PCDH9: variants seen among roughly 807,000 people sequenced by gnomAD.
PCDH9 encodes the protein protocadherin 9.
Under a neutral mutation model 70.6 loss-of-function variants are expected in PCDH9, and 24 were observed. The observed-to-expected ratio is 0.34, with a 90% CI of 0.25 to 0.48. The LOEUF (loss-of-function observed/expected upper bound fraction) is 0.48, where lower values mean the gene tolerates loss of function less well. Among genes scored for constraint, PCDH9 ranks in the 20% least tolerant of loss-of-function variants. The probability of loss-of-function intolerance (pLI) is 0.99; values close to 1 mark genes in which losing one functional copy is unlikely to be tolerated. For synonymous variants in PCDH9, 562 were observed against 558.5 expected, an observed-to-expected ratio of 1.01 and a Z score of -0.09; for missense variants, 1,281 against 1,503.6, an observed-to-expected ratio of 0.85 and a Z score of 2.45.
chr13:66,452,819 C>T (rs895075727), intron 4 of PCDH9, among the ~76,000 whole-genome samples: 3 of 152,134 alleles, frequency 2.0e-5, no homozygotes, highest in African/African-American at 7.2e-5. Flanking sequence ...TTTACCTAAA[C>T]ATATACTGTT....
intron 2 of PCDH9, among the ~76,000 whole-genome samples, chr13:67,026,986 T>A (rs184127562): frequency 5.9e-5 from 9 of 152,312 alleles, no homozygotes; most frequent in African/African-American, 2.2e-4. Flanking sequence ...ATGGCCATAC[T>A]GCCCAAGGTA....
At chr13:66,585,249 G>A (rs771170586) in intron 4 of PCDH9, among the ~76,000 whole-genome samples, 31 of 152,044 alleles carry the variant, frequency 2.0e-4, no homozygotes, top group Non-Finnish European at 3.2e-4. Flanking sequence ...TTTCCTGTAT[G>A]AGACACATAA....
intron 4 of PCDH9, among the ~76,000 whole-genome samples, chr13:66,466,166 TTCTC>T (rs1416463244): frequency 1.3e-5 from 2 of 151,916 alleles, no homozygotes; most frequent in African/African-American, 2.4e-5. Context: ...TCTCTATCCC[TTCTC>T]TCTATTTTTC....
At chr13:66,910,151 T>C (rs892574832) in intron 2 of PCDH9, among the ~76,000 whole-genome samples, 2 of 152,156 alleles carry the variant, frequency 1.3e-5, no homozygotes, top group African/African-American at 4.8e-5. Context: ...ACTTCCTTTC[T>C]CCTTTGTTCC....
At chr13:67,108,994 T>G (rs749932186) in intron 2 of PCDH9, among the ~76,000 whole-genome samples, 1 of 152,228 alleles carries the variant, frequency 6.6e-6, no homozygotes, top group Non-Finnish European at 1.5e-5. Flanking sequence ...CAAAATCATG[T>G]GGACTACTTG....
intron 4 of PCDH9, among the ~76,000 whole-genome samples, chr13:66,405,657 G>A (rs1229001450): frequency 6.6e-6 from 1 of 152,166 alleles, no homozygotes; most frequent in Admixed American, 6.5e-5. Flanking sequence ...CTGCGTTAAA[G>A]ATGCAATGAC....
intron 3 of PCDH9, among the ~76,000 whole-genome samples, chr13:66,767,411 GTCAATCT>G (rs2079735662): frequency 6.6e-6 from 1 of 152,066 alleles, no homozygotes; most frequent in Non-Finnish European, 1.5e-5. Flanking sequence ...TATGAGTCAA[GTCAATCT>G]TAATGGTGCC....
At chr13:66,775,524 C>G (rs2079876747) in intron 3 of PCDH9, among the ~76,000 whole-genome samples, 1 of 152,118 alleles carries the variant, frequency 6.6e-6, no homozygotes. Flanking sequence ...GAGAGCAAGA[C>G]CAACCCCTCC....
intron 3 of PCDH9, among the ~76,000 whole-genome samples, chr13:66,823,794 C>A (rs991034072): frequency 6.6e-6 from 1 of 151,962 alleles, no homozygotes; most frequent in Non-Finnish European, 1.5e-5. Context: ...GTTTATTGTA[C>A]ATTTTATTTT....
At chr13:66,338,219 G>A (rs894071009) in intron 4 of PCDH9, among the ~76,000 whole-genome samples, 5 of 152,062 alleles carry the variant, frequency 3.3e-5, no homozygotes, top group East Asian at 1.9e-4. Flanking sequence ...ACACATTCCC[G>A]CTCTTTCTTT....
Position 66,668,654 on chromosome 13 carries a change from G to A in PCDH9, c.3139-37243C>T, listed in dbSNP as rs138343075. On this transcript the variant is annotated intron_variant, in intron 3 of 4. Transcript: ENST00000377865. ...TAGATGGTAATATGCAGTGGTGACC[G>A]AGAGAGCCCTCTAAAAATTTCCAGA... Among the ~76,000 whole-genome samples, 334 of 152,264 alleles carry A rather than the reference G, an allele frequency of 2.2e-3. 4 individuals carry two copies. Among genetic ancestry groups the A allele is most frequent in the East Asian group, 5.4e-3 (28 of 5,188 alleles).
intron 3 of PCDH9, among the ~76,000 whole-genome samples, chr13:66,836,352 A>G (rs924661716): frequency 6.6e-5 from 10 of 152,230 alleles, no homozygotes; most frequent in African/African-American, 2.2e-4. Flanking sequence ...TTCTTTTATC[A>G]TATTCCTTCC....
rs2086990610 is a variant in PCDH9, at chr13:67,126,833, A to G, written c.3036+98572T>C. 2.0e-5 allele frequency among the ~76,000 whole-genome samples: 3 copies of G among 152,324 alleles called. No homozygotes were observed. The South Asian group carries it at 6.2e-4, about 32-fold the overall frequency. Reference sequence around the variant, plus strand: ...CCACTGCACTCCAATCTGGCAACACAGTGAGACTCCATCTCAAAATAAAAT... The same window carrying G: ...CCACTGCACTCCAATCTGGCAACACGGTGAGACTCCATCTCAAAATAAAAT... On this transcript the variant is annotated intron_variant, in intron 2 of 4. Coordinates refer to ENST00000377865, the MANE Select transcript of PCDH9 (RefSeq NM_203487.3).
At chr13:66,869,201 T>A (rs2081628460) in intron 3 of PCDH9, among the ~76,000 whole-genome samples, 1 of 151,988 alleles carries the variant, frequency 6.6e-6, no homozygotes, top group East Asian at 1.9e-4. Flanking sequence ...CTTGAAGAGG[T>A]GATTGAAAGG....
intron 3 of PCDH9, among the ~76,000 whole-genome samples, chr13:66,710,474 C>G (rs9592483): frequency 0.31 from 47,030 of 152,006 alleles, 8,234 homozygotes; most frequent in East Asian, 0.51. Flanking sequence ...AACTGGGAAG[C>G]CTTTATATCC....
intron 2 of PCDH9, among the ~76,000 whole-genome samples, chr13:67,162,782 G>GA (rs1231331588): frequency 1.3e-5 from 2 of 151,064 alleles, no homozygotes; most frequent in Non-Finnish European, 2.9e-5. Context: ...AATGTATTCA[G>GA]AAAAAAAGAT....
intron 4 of PCDH9, among the ~76,000 whole-genome samples, chr13:66,585,442 T>G (rs565616451): frequency 1.3e-5 from 2 of 152,276 alleles, no homozygotes; most frequent in African/African-American, 2.4e-5. Flanking sequence ...TCTGCATTCC[T>G]GAGCAAACCT....
chr13:66,997,735 A>G (rs1215549669), intron 2 of PCDH9, among the ~76,000 whole-genome samples: 4 of 152,070 alleles, frequency 2.6e-5, no homozygotes, highest in Non-Finnish European at 5.9e-5. Flanking sequence ...GGGTTTCACC[A>G]TGTTGGCCAG....
At chr13:67,131,708 CAT>C (rs1284652769) in intron 2 of PCDH9, among the ~76,000 whole-genome samples, 2 of 152,110 alleles carry the variant, frequency 1.3e-5, no homozygotes, top group Non-Finnish European at 2.9e-5. Context: ...AAACTAAGTA[CAT>C]GTCTTTATCT....
Sources: allele counts gnomAD v4.1 joint callset (sites outside exome capture counted in the v4.1 genomes callset), GRCh38; gene constraint gnomAD v4.1.1; transcripts MANE v1.5; gene names NCBI Gene and HGNC (gene_info 2026-07-23, HGNC 2026-07-21).